Variants in TVP23A observed in about 807,000 individuals in gnomAD.
The protein encoded by TVP23A is Golgi apparatus membrane protein TVP23 homolog A.
TVP23A carries 21 observed loss-of-function variants against 31.7 expected under a neutral mutation model. That is an observed-to-expected ratio of 0.66 (90% CI 0.47 to 0.95). The LOEUF (loss-of-function observed/expected upper bound fraction) is 0.95, where lower values mean the gene tolerates loss of function less well. TVP23A is among the 40% of genes least tolerant of loss of function. The pLI, the probability that TVP23A is intolerant of heterozygous loss-of-function variation, is 0.00. For missense variants in TVP23A, 279 were observed against 255.6 expected, an observed-to-expected ratio of 1.09 and a Z score of -0.62; for synonymous variants, 104 against 96.0, an observed-to-expected ratio of 1.08 and a Z score of -0.49.
intron 2 of TVP23A, among the ~76,000 whole-genome samples, chr16:10,810,491 G>A (rs904808783): frequency 2.7e-5 from 4 of 150,708 alleles, no homozygotes; most frequent in Admixed American, 2.6e-4. Context: ...AGGCTGCAGT[G>A]AGTTGAGATC....
chr16:10,773,611 C>A (rs1338040215), intron 4 of TVP23A, among the ~76,000 whole-genome samples, 170 bp from the exon 5 acceptor site: 3 of 152,272 alleles, frequency 2.0e-5, no homozygotes, highest in Non-Finnish European at 4.4e-5. Context: ...CATTGTGTCA[C>A]CCAGGCTGGA....
intron 2 of TVP23A, among the ~76,000 whole-genome samples, chr16:10,786,266 A>C (rs1408707608): frequency 6.6e-6 from 1 of 152,116 alleles, no homozygotes; most frequent in Non-Finnish European, 1.5e-5. Context: ...GCAGTGATCT[A>C]ACAATGTCTT....
In TVP23A at chr16:10,775,023, A is replaced by C; in HGVS notation, c.163T>G (p.Phe55Val). Residue 55 changes from phenylalanine (F) to valine (V), a missense_variant, in exon 3 of 8, where the codon TTC (phenylalanine) becomes GTC (valine). By Grantham distance (50) the Phe-to-Val change is conservative. Transcript: ENST00000299866. ...AIVTYVSCDWFSKSFVGCFVM... is the reference protein window; with the variant it reads ...AIVTYVSCDWVSKSFVGCFVM... ...AAACAGCCCACAAAGCTCTTGCTGA[A>C]CCAGTCGCAGCTCACGTAGGTGACG... The C allele has an allele frequency of 6.2e-7, 1 of 1,612,702 alleles. No homozygotes were observed.
chr16:10,790,460 A>AT (rs1245693523), intron 2 of TVP23A, among the ~76,000 whole-genome samples: 1 of 151,584 alleles, frequency 6.6e-6, no homozygotes, highest in Non-Finnish European at 1.5e-5. Flanking sequence ...AATATTTTGC[A>AT]TTTTTTAGTA....
In TVP23A at chr16:10,768,350, C is replaced by T. The variant is rs1215113841; in HGVS notation, c.*752G>A. The T allele has an allele frequency of 5.4e-6, 1 of 185,482 alleles. No homozygotes were observed. The highest frequency in any genetic ancestry group is 1.1e-5 in the Non-Finnish European group (1 of 89,520). 11.5% of individuals were successfully genotyped at this position (185,482 alleles called of 1,614,324 possible). ...AGGTGCAGTGGCTCACACCTGGAAT[C>T]CCAGCACTTTGGGTGAAGGAGGCAG... On this transcript the variant is annotated 3_prime_UTR_variant, in exon 8 of 8. Coordinates refer to ENST00000299866, the MANE Select transcript of TVP23A (RefSeq NM_001079512.4). This position sits in a 1 kb window ranked among gnomAD's most constrained non-coding sequence, Gnocchi z 4.3.
At chr16:10,760,689 A>G (rs1900887863), downstream of TVP23A, among the ~76,000 whole-genome samples, 1 of 152,166 alleles carries the variant, frequency 6.6e-6, no homozygotes, top group African/African-American at 2.4e-5. Flanking sequence ...GTGAGCAATG[A>G]TTATGCCACT....
chr16:10,774,893 G>A lies in TVP23A; in HGVS notation c.234+59C>T, dbSNP rs115583020. The stretch of plus-strand genomic sequence containing the variant: ...AAACCAAAGTACCTCTTGGTACCAC[G>A]CACACAGGGGACAAGCCTCGTGTTT... On this transcript the variant is annotated intron_variant, in intron 3 of 7. Transcript: ENST00000299866. 2,868 of 1,488,108 alleles carry A rather than the reference G, an allele frequency of 1.9e-3. 42 individuals carry two copies. In the African/African-American group the frequency reaches 0.033, roughly 17 times the overall value. 92.2% of individuals were successfully genotyped at this position (1,488,108 alleles called of 1,614,324 possible).
downstream of TVP23A, chr16:10,761,119 A>T: frequency 2.6e-6 from 1 of 387,604 alleles, no homozygotes; most frequent in East Asian, 5.4e-5. Flanking sequence ...GCATGGGGGA[A>T]ACTGCCCCCA....
intron 2 of TVP23A, among the ~76,000 whole-genome samples, chr16:10,813,651 A>T (rs1224346198): frequency 6.6e-6 from 1 of 152,204 alleles, no homozygotes. Flanking sequence ...TATGAAACTT[A>T]GATAATAGTT....
chr16:10,792,331 T>C (rs1403293645), intron 2 of TVP23A, among the ~76,000 whole-genome samples: 1 of 152,186 alleles, frequency 6.6e-6, no homozygotes. Context: ...ATGAAGATGC[T>C]GGGTTCAAGG....
chr16:10,815,255 C>A (rs2034387364), intron 2 of TVP23A, among the ~76,000 whole-genome samples: 1 of 151,964 alleles, frequency 6.6e-6, no homozygotes, highest in Admixed American at 6.6e-5. Context: ...AAACAAAAAA[C>A]ATAAAAATCA....
chr16:10,793,767 C>A (rs747013203), intron 2 of TVP23A, among the ~76,000 whole-genome samples: 1 of 151,450 alleles, frequency 6.6e-6, no homozygotes, highest in Non-Finnish European at 1.5e-5. Context: ...GGCATGGTGG[C>A]ATACACCTAT....
chr16:10,810,158 C>T (rs2034128648), intron 2 of TVP23A, among the ~76,000 whole-genome samples: 2 of 152,074 alleles, frequency 1.3e-5, no homozygotes, highest in Admixed American at 1.3e-4. Flanking sequence ...AAACATGTGT[C>T]ACCTAGACTG....
At chr16:10,805,981 A>G (rs925565449) in intron 2 of TVP23A, among the ~76,000 whole-genome samples, 2 of 152,208 alleles carry the variant, frequency 1.3e-5, no homozygotes, top group Admixed American at 6.5e-5. Flanking sequence ...CAAAACTCCT[A>G]TGATACACAG....
chr16:10,790,353 C>A (rs188679467), intron 2 of TVP23A, among the ~76,000 whole-genome samples: 6 of 139,908 alleles, frequency 4.3e-5, no homozygotes, highest in African/African-American at 1.6e-4. Context: ...GGCGTGATCT[C>A]GGCTCACTAC....
At chr16:10,761,062 A>T, downstream of TVP23A, 1 of 282,754 alleles carries the variant, frequency 3.5e-6, no homozygotes, top group Non-Finnish European at 6.9e-6. Flanking sequence ...GAACTGTCAA[A>T]CACTTACAAA....
chr16:10,768,113 G>C lies in TVP23A; in HGVS notation c.*989C>G. 1 of 1,339,514 alleles carries C rather than the reference G, an allele frequency of 7.5e-7. No homozygotes were observed. Among genetic ancestry groups the C allele is most frequent in the South Asian group, 1.2e-5 (1 of 85,344 alleles). 83.0% of individuals were successfully genotyped at this position (1,339,514 alleles called of 1,614,324 possible). On this transcript the variant is annotated 3_prime_UTR_variant, in exon 8 of 8. Transcript: ENST00000299866. The surrounding 1 kb of genome is among the most constrained non-coding windows in gnomAD (Gnocchi z 4.3). The stretch of plus-strand genomic sequence containing the variant: ...AAGGAGCCAGGGGTGTGGAAGGACA[G>C]GTGGGTGGTGGGGTCTGTGATGACC...
intron 2 of TVP23A, among the ~76,000 whole-genome samples, chr16:10,786,662 G>A (rs1449611588): frequency 6.6e-6 from 1 of 152,124 alleles, no homozygotes; most frequent in African/African-American, 2.4e-5. Context: ...AATAACCTGA[G>A]TGTGCGGGGA....
chr16:10,798,739 C>T (rs2033540416), intron 2 of TVP23A, among the ~76,000 whole-genome samples: 1 of 152,226 alleles, frequency 6.6e-6, no homozygotes, highest in Non-Finnish European at 1.5e-5. Flanking sequence ...TCTTGGCTCA[C>T]TGCAACCTCC....
Sources: allele counts gnomAD v4.1 joint callset (sites outside exome capture counted in the v4.1 genomes callset), GRCh38; gene constraint gnomAD v4.1.1; non-coding constraint Gnocchi (gnomAD v3.1); transcripts MANE v1.5; gene names NCBI Gene and HGNC (gene_info 2026-07-23, HGNC 2026-07-21).